The following UBR3 variants were observed in gnomAD, a reference collection of about 807,000 sequenced individuals.
UBR3 encodes the protein ubiquitin protein ligase E3 component n-recognin 3.
A neutral mutation model predicts 243.2 loss-of-function variants in UBR3; 85 were observed. The ratio of observed to expected loss-of-function variants is 0.35; its 90% CI spans 0.29 to 0.42. The LOEUF (loss-of-function observed/expected upper bound fraction) is 0.42. Among genes scored for constraint, UBR3 ranks in the 10% least tolerant of loss-of-function variants. The pLI, the probability that UBR3 is intolerant of heterozygous loss-of-function variation, is 1.00. For synonymous variants in UBR3, 748 were observed against 799.8 expected (o/e 0.94, Z 1.09); for missense variants, 1,686 against 2,300.8 (o/e 0.73, Z 5.47).
intron 8 of UBR3, among the ~76,000 whole-genome samples, chr2:169,899,489 A>T (rs2084726977): frequency 6.6e-6 from 1 of 152,016 alleles, no homozygotes; most frequent in Non-Finnish European, 1.5e-5. Context: ...TTTTCACAAA[A>T]ATGGTGTTTT....
intron 26 of UBR3, among the ~76,000 whole-genome samples, chr2:169,996,695 T>TTG (rs1385614742): frequency 1.4e-5 from 2 of 144,882 alleles, no homozygotes; most frequent in Non-Finnish European, 3.0e-5. Flanking sequence ...GGACTTTTGT[T>TTG]TTTTTTTTTT....
intron 25 of UBR3, among the ~76,000 whole-genome samples, chr2:169,988,438 A>G (rs185817580): frequency 2.5e-4 from 38 of 152,286 alleles, no homozygotes; most frequent in Admixed American, 7.2e-4. Context: ...TATGCTAGCT[A>G]GACCAATAAA....
At chr2:169,891,611 G>GACACACACAC (rs202022960) in intron 6 of UBR3, among the ~76,000 whole-genome samples, 10,304 of 82,126 alleles carry the variant, frequency 0.13, 409 homozygotes, top group African/African-American at 0.17. Context: ...GAGAGAGACA[G>GACACACACAC]AGACACACAC....
intron 30 of UBR3, among the ~76,000 whole-genome samples, chr2:170,028,546 A>C (rs1218445168): frequency 6.6e-6 from 1 of 151,738 alleles, no homozygotes; most frequent in East Asian, 1.9e-4. Context: ...GTGTGGCAGA[A>C]TAATTTAATT....
chr2:169,916,795 G>T (rs573210050), intron 11 of UBR3, among the ~76,000 whole-genome samples: 1 of 151,970 alleles, frequency 6.6e-6, no homozygotes, highest in East Asian at 1.9e-4. Flanking sequence ...CTCTACACTG[G>T]TCTGCCCTGC....
chr2:170,016,640 G>A (rs1041690632), intron 30 of UBR3, among the ~76,000 whole-genome samples: 1 of 151,770 alleles, frequency 6.6e-6, no homozygotes, highest in East Asian at 1.9e-4. Flanking sequence ...GTTACAAAGT[G>A]TTTACTTTAG....
At chr2:169,978,931 G>A (rs1245120346) in intron 24 of UBR3, among the ~76,000 whole-genome samples, 3 of 152,116 alleles carry the variant, frequency 2.0e-5, no homozygotes, top group African/African-American at 7.2e-5. Context: ...CTCAGCCAGG[G>A]CATCAGTTCC....
At chr2:169,965,634 G>A (rs1490947543) in intron 24 of UBR3, among the ~76,000 whole-genome samples, 1 of 152,166 alleles carries the variant, frequency 6.6e-6, no homozygotes, top group Non-Finnish European at 1.5e-5. Flanking sequence ...GGATATTACA[G>A]CAGTTGATCT....
chr2:169,851,500 A>G (rs934055854), intron 1 of UBR3, among the ~76,000 whole-genome samples: 3 of 152,096 alleles, frequency 2.0e-5, no homozygotes, highest in Non-Finnish European at 2.9e-5. Flanking sequence ...TTCCTACCCA[A>G]CAGTGTTTGA....
Position 169,958,493 on chromosome 2 carries a change from C to T in UBR3, c.3601C>T (p.Gln1201Ter). ...ATTGCTTGCGGAGTTTGCTTCACGA[C>T]AGAAAAGCTTTATGGAAACTGCAAT... is the stretch of plus-strand genomic sequence containing the variant. ...QKLLAEFASRQKSFMETAMDV... is the reference protein window; with the variant it reads ...QKLLAEFASR Residue 1201 changes from glutamine to a stop codon, truncating the protein, a stop_gained, in exon 24 of 39, where the codon CAG becomes TAG. Transcript: ENST00000272793. LOFTEE classifies it high-confidence loss of function. 6.2e-7 allele frequency: 1 copy of T among 1,612,984 alleles called. No individual in the cohort carries two copies. The highest frequency in any genetic ancestry group is 8.5e-7 in the Non-Finnish European group (1 of 1,179,298).
At chr2:169,867,557 G>A (rs973049409) in intron 1 of UBR3, among the ~76,000 whole-genome samples, 1 of 152,156 alleles carries the variant, frequency 6.6e-6, no homozygotes, top group Non-Finnish European at 1.5e-5. Context: ...CTAAGCTTGT[G>A]TTACGAACAT....
chr2:170,076,352 A>T (rs1275208181), intron 36 of UBR3, among the ~76,000 whole-genome samples: 1 of 152,224 alleles, frequency 6.6e-6, no homozygotes. Context: ...CCTTCTTCTC[A>T]TTCACAGTTT....
At chr2:169,961,615 CACAACTTT>C (rs1418962377) in intron 24 of UBR3, among the ~76,000 whole-genome samples, 12 of 152,178 alleles carry the variant, frequency 7.9e-5, no homozygotes, top group Non-Finnish European at 1.8e-4. Context: ...CATTTTCTGT[CACAACTTT>C]ACAACTGAAG....
At chr2:169,854,633 C>CA (rs1378332557) in intron 1 of UBR3, among the ~76,000 whole-genome samples, 25 of 152,056 alleles carry the variant, frequency 1.6e-4, no homozygotes, top group African/African-American at 6.0e-4. Flanking sequence ...TGTATATGTA[C>CA]AGTTTAAAGA....
chr2:169,827,883 GC>G lies in UBR3; in HGVS notation c.378del (p.Asn127ThrfsTer51). ...PAALCGLVWT[A>X]NFVAYRCRTC... ...GGCGCTCTGCGGCCTGGTCTGGACA[GC>G]CAACTTCGTGGCCTACCGCTGCCGG... On this transcript the variant is annotated frameshift_variant, in exon 1 of 39. Coordinates refer to ENST00000272793, the MANE Select transcript of UBR3 (RefSeq NM_172070.4). LOFTEE classifies it high-confidence loss of function. 1 of 1,518,250 alleles carries G rather than the reference GC, an allele frequency of 6.6e-7. No individual in the cohort carries two copies. 94.0% of individuals were successfully genotyped at this position (1,518,250 alleles called of 1,614,324 possible).
At chr2:170,009,114 A>T (rs1342113776) in intron 29 of UBR3, among the ~76,000 whole-genome samples, 174 bp downstream of exon 29, 2 of 151,990 alleles carry the variant, frequency 1.3e-5, no homozygotes, top group Non-Finnish European at 2.9e-5. Flanking sequence ...TTATTTCCTG[A>T]AGAGGTTTTA....
intron 5 of UBR3, among the ~76,000 whole-genome samples, chr2:169,881,356 T>G (rs1370891363): frequency 1.3e-5 from 2 of 151,962 alleles, no homozygotes; most frequent in Admixed American, 1.3e-4. Context: ...GTTTTGTATT[T>G]TTGGTAAAGA....
intron 24 of UBR3, among the ~76,000 whole-genome samples, chr2:169,959,981 T>C (rs1316985396): frequency 6.6e-6 from 1 of 152,128 alleles, no homozygotes; most frequent in Non-Finnish European, 1.5e-5. Flanking sequence ...CTGGGTGCGG[T>C]GGCTCACATC....
chr2:170,043,056 T>A (rs1166744924), intron 32 of UBR3, among the ~76,000 whole-genome samples: 1 of 152,184 alleles, frequency 6.6e-6, no homozygotes, highest in Non-Finnish European at 1.5e-5. Flanking sequence ...CTCTTCTAAT[T>A]ATATTAGTAG....
Sources: gnomAD v4.1 joint callset for allele counts (sites outside exome capture counted in the v4.1 genomes callset) on GRCh38, gnomAD v4.1.1 for gene constraint, MANE v1.5 for transcripts, NCBI Gene and HGNC (gene_info 2026-07-23, HGNC 2026-07-21) for gene names.